AK6: variants seen among roughly 807,000 people sequenced by gnomAD.
The protein encoded by AK6 is adenylate kinase 6, also known as adenylate kinase isoenzyme 6.
In AK6, 24 loss-of-function variants were observed where a neutral mutation model predicts 23.7. The observed-to-expected ratio is 1.01, with a 90% CI of 0.73 to 1.43. The LOEUF (loss-of-function observed/expected upper bound fraction) is 1.43, where lower values mean the gene tolerates loss of function less well. Ranked by LOEUF, AK6 falls within the 40% of genes most tolerant of loss-of-function variation. The pLI is 0.00. For synonymous variants in AK6, 73 were observed against 69.8 expected (o/e 1.05, Z -0.23); for missense variants, 191 against 199.1 (o/e 0.96, Z 0.24).
intron 2 of AK6, among the ~76,000 whole-genome samples, chr5:69,357,774 A>C (rs7712318): frequency 0.34 from 51,545 of 152,076 alleles, 10,218 homozygotes; most frequent in Non-Finnish European, 0.46. Flanking sequence ...ACTACCATTT[A>C]ATTTCTAATT....
chr5:69,368,166 T>C (rs374877857), intron 1 of AK6, among the ~76,000 whole-genome samples: 72 of 152,312 alleles, frequency 4.7e-4, no homozygotes, highest in African/African-American at 1.6e-3. Context: ...TGTACATATA[T>C]GTACATACTC....
chr5:69,364,600 ATC>A (rs1431664938), intron 2 of AK6: 2 of 353,912 alleles, frequency 5.7e-6, no homozygotes, highest in Non-Finnish European at 1.0e-5. Context: ...TGATCTATGT[ATC>A]TGAAGACGTT....
chr5:69,365,717 A>C, intron 2 of AK6: 1 of 1,562,318 alleles, frequency 6.4e-7, no homozygotes, highest in South Asian at 1.2e-5. Flanking sequence ...TCTTGGGAGA[A>C]GCCGTCTTGC....
rs554294209 is a variant in AK6, at chr5:69,363,542, A to T, written c.121+2961T>A. 4.6e-5 allele frequency among the ~76,000 whole-genome samples: 7 copies of T among 152,032 alleles called. No individual in the cohort carries two copies. The South Asian group carries it at 1.5e-3, about 32-fold the overall frequency. On this transcript the variant is annotated intron_variant, in intron 2 of 4. Transcript: ENST00000380822. ...GCCCACGCCTGTAATCCCAGCACTCAGGGAGGCCAAGGTGGGTGGATCACG... is the reference window on the plus strand; with the variant it reads ...GCCCACGCCTGTAATCCCAGCACTCTGGGAGGCCAAGGTGGGTGGATCACG...
Position 69,367,443 on chromosome 5 carries a change from T to A in AK6, c.29-848A>T, listed in dbSNP as rs981135173. Among the ~76,000 whole-genome samples the A allele has an allele frequency of 6.5e-5, 9 of 139,462 alleles. No homozygotes were observed. The South Asian group carries it at 1.8e-3, about 27-fold the overall frequency. The allele number at this position is 139,462 out of a possible 152,430, so 91.5% of individuals were successfully genotyped here. On this transcript the variant is annotated intron_variant, in intron 1 of 4. Transcript: ENST00000380822. ...GAGAATCCCTTGAACCAGGTAGTTG[T>A]AGGATGCAGTGAGCCAAGATCGCGC...
chr5:69,351,420 T>C lies in AK6; in HGVS notation c.*641A>G, dbSNP rs1344130492. ...AACAGGGAGGTCTGTACTGAGATGA[T>C]ATAATCTTCAAATATAGTAAGTGAA... On this transcript the variant is annotated 3_prime_UTR_variant, in exon 5 of 5. Coordinates refer to ENST00000380822, the MANE Select transcript of AK6 (RefSeq NM_016283.5). The C allele has an allele frequency of 1.3e-5, 2 of 152,230 alleles. No homozygotes were observed. The highest frequency in any genetic ancestry group is 1.5e-5 in the Non-Finnish European group (1 of 68,048). 9.4% of individuals were successfully genotyped at this position (152,230 alleles called of 1,614,324 possible). A position where few individuals can be genotyped will look rare whatever the true frequency, so the allele number is the denominator to read the frequency against.
chr5:69,351,812 T>A lies in AK6; in HGVS notation c.*249A>T. On this transcript the variant is annotated 3_prime_UTR_variant, in exon 5 of 5. Coordinates refer to ENST00000380822, the MANE Select transcript of AK6 (RefSeq NM_016283.5). ...AAGATATCCACCCATTTTGTCAGAT[T>A]TATTTATTCTTTAGCAATTTAAGTA... The A allele has an allele frequency of 2.9e-6, 1 of 342,210 alleles. No homozygotes were observed. The highest frequency in any genetic ancestry group is 5.2e-6 in the Non-Finnish European group (1 of 192,116). 21.2% of individuals were successfully genotyped at this position (342,210 alleles called of 1,614,324 possible).
intron 2 of AK6, among the ~76,000 whole-genome samples, chr5:69,360,725 T>C (rs1441469875): frequency 6.6e-6 from 1 of 151,624 alleles, no homozygotes; most frequent in Non-Finnish European, 1.5e-5. Flanking sequence ...CCAGTGGGAG[T>C]TGATAAGGGG....
chr5:69,369,324 G>C, intron 1 of AK6, 139 bp downstream of exon 1: 13 of 782,172 alleles, frequency 1.7e-5, no homozygotes, highest in Non-Finnish European at 2.3e-5. Flanking sequence ...CGGCTCCCGG[G>C]GCGCTGACAA....
At chr5:69,365,264 A>G (rs1276371790) in intron 2 of AK6, 1 of 1,614,206 alleles carries the variant, frequency 6.2e-7, no homozygotes, top group Non-Finnish European at 8.5e-7. Context: ...GTGTGGGAGT[A>G]CTTGGTCTGC....
intron 1 of AK6, among the ~76,000 whole-genome samples, chr5:69,368,581 C>T (rs1375106925): frequency 6.6e-6 from 1 of 151,616 alleles, no homozygotes; most frequent in African/African-American, 2.4e-5. Context: ...GGTTAATCTG[C>T]ACCTCTCAGA....
At chr5:69,357,142 T>C (rs1762104710) in intron 2 of AK6, among the ~76,000 whole-genome samples, 1 of 152,188 alleles carries the variant, frequency 6.6e-6, no homozygotes. Context: ...ACAGGAGTAG[T>C]CTGATGGTCA....
At chr5:69,352,416 T>C (rs1007525864) in intron 4 of AK6, 163 bp from the exon 5 acceptor site, 3 of 163,584 alleles carry the variant, frequency 1.8e-5, no homozygotes, top group African/African-American at 7.2e-5. Flanking sequence ...ATGACACAGT[T>C]TCTTGACACT....
At chr5:69,361,783 T>C (rs937356727) in intron 2 of AK6, among the ~76,000 whole-genome samples, 12 of 151,792 alleles carry the variant, frequency 7.9e-5, no homozygotes, top group Non-Finnish European at 1.5e-4. Flanking sequence ...TTTTTGTATT[T>C]TTAGTAGAGA....
At chr5:69,362,891 C>T (rs1299070850) in intron 2 of AK6, among the ~76,000 whole-genome samples, 2 of 152,156 alleles carry the variant, frequency 1.3e-5, no homozygotes, top group Admixed American at 1.3e-4. Context: ...AATAATCTCA[C>T]TAATAACAAA....
At position 69,365,439 on chromosome 5, in the gene AK6, T is replaced by C. The variant is rs1423921302; in HGVS notation, c.121+1064A>G. ...CTTGATCAATGGCAAAGGGGTTTGA[T>C]TTCTTTGCCTTGCAATATCTAATAA... On this transcript the variant is annotated intron_variant, in intron 2 of 4. Transcript: ENST00000380822. The C allele has an allele frequency of 1.9e-6, 3 of 1,614,248 alleles. No homozygotes were observed. The Admixed American group carries it at 5.0e-5, about 27-fold the overall frequency.
In AK6 at chr5:69,356,063, G is replaced by A. The variant is rs1762077327; in HGVS notation, c.122-110C>T. The stretch of plus-strand genomic sequence containing the variant: ...AAATGTATCATCAATTATTCTTTTA[G>A]ATACAAGGGTGGATACTAACAAAAT... On this transcript the variant is annotated intron_variant, in intron 2 of 4. Coordinates refer to ENST00000380822, the MANE Select transcript of AK6 (RefSeq NM_016283.5). 3 of 895,702 alleles carry A rather than the reference G, an allele frequency of 3.3e-6. No individual in the cohort carries two copies. The South Asian group carries it at 5.4e-5, about 16-fold the overall frequency. The allele number at this position is 895,702 out of a possible 1,614,324, so 55.5% of individuals were successfully genotyped here.
chr5:69,359,014 G>A (rs1762157777), intron 2 of AK6, among the ~76,000 whole-genome samples: 1 of 151,732 alleles, frequency 6.6e-6, no homozygotes, highest in Admixed American at 6.6e-5. Context: ...GCCGAGGTGG[G>A]AGGATCTCTT....
chr5:69,369,714 G>A, upstream of AK6: 1 of 1,550,992 alleles, frequency 6.4e-7, no homozygotes, highest in Non-Finnish European at 8.7e-7. Context: ...AACTCGGGTC[G>A]GTACTTCGGG....
Sources: gnomAD v4.1 joint callset for allele counts (sites outside exome capture counted in the v4.1 genomes callset) on GRCh38, gnomAD v4.1.1 for gene constraint, MANE v1.5 for transcripts, NCBI Gene and HGNC (gene_info 2026-07-23, HGNC 2026-07-21) for gene names.